LDB2: variants seen among roughly 807,000 people sequenced by gnomAD.
The protein encoded by LDB2 is LIM domain-binding protein 2.
LDB2 carries 12 observed loss-of-function variants against 44.3 expected under a neutral mutation model. That is an observed-to-expected ratio of 0.27 (90% CI 0.17 to 0.44). The LOEUF (loss-of-function observed/expected upper bound fraction) is 0.44. LDB2 is among the 20% of genes least tolerant of loss of function. LDB2 has a pLI of 1.00. For synonymous variants in LDB2, 164 were observed against 174.8 expected, an observed-to-expected ratio of 0.94 and a Z score of 0.49; for missense variants, 344 against 473.5, an observed-to-expected ratio of 0.73 and a Z score of 2.54.
chr4:16,854,170 T>C (rs79975819), intron 1 of LDB2, among the ~76,000 whole-genome samples: 4,302 of 152,114 alleles, frequency 0.028, 176 homozygotes, highest in African/African-American at 0.091. Flanking sequence ...ACAAAACAAA[T>C]TGATAAGTAT....
chr4:16,759,126 G>A, intron 2 of LDB2, 32 bp downstream of exon 2: 1 of 1,468,254 alleles, frequency 6.8e-7, no homozygotes, highest in Non-Finnish European at 9.5e-7. Context: ...CACAAAACGA[G>A]GTAATATTAG....
intron 1 of LDB2, among the ~76,000 whole-genome samples, chr4:16,839,458 A>G (rs1785469396): frequency 6.6e-6 from 1 of 152,178 alleles, no homozygotes; most frequent in African/African-American, 2.4e-5. Flanking sequence ...CCATGGCTCA[A>G]ACACCTTCCA....
At chr4:16,895,840 G>T (rs1356565502) in intron 1 of LDB2, among the ~76,000 whole-genome samples, 5 of 151,894 alleles carry the variant, frequency 3.3e-5, no homozygotes, top group Non-Finnish European at 7.4e-5. Flanking sequence ...TATTGGTAAA[G>T]GTATAGTGTA....
At chr4:16,690,706 T>C (rs897012268) in intron 2 of LDB2, among the ~76,000 whole-genome samples, 23 of 152,204 alleles carry the variant, frequency 1.5e-4, no homozygotes, top group African/African-American at 5.1e-4. Flanking sequence ...CAAACAAAAA[T>C]GTAAATCCTA....
chr4:16,502,976 G>C lies in LDB2; in HGVS notation c.892-103C>G, dbSNP rs898872996. 3.1e-6 allele frequency: 5 copies of C among 1,604,494 alleles called. No homozygotes were observed. The African/African-American group carries it at 4.0e-5, about 13-fold the overall frequency. ...CGGGGAATCTAGGACAGACACACTC[G>C]TGTACTGTACAACGGGGTCAAGTCT... On this transcript the variant is annotated intron_variant, in intron 7 of 7. Transcript: ENST00000304523.
At chr4:16,896,511 C>G (rs1355756012) in intron 1 of LDB2, among the ~76,000 whole-genome samples, 1 of 152,072 alleles carries the variant, frequency 6.6e-6, no homozygotes. Context: ...AGGCAGATAT[C>G]AGAGAAAGCT....
intron 5 of LDB2, among the ~76,000 whole-genome samples, chr4:16,579,306 A>G (rs144340634): frequency 1.4e-4 from 21 of 152,292 alleles, no homozygotes; most frequent in African/African-American, 5.1e-4. Flanking sequence ...ATATACACCT[A>G]CTATGTACCC....
intron 2 of LDB2, among the ~76,000 whole-genome samples, chr4:16,670,542 C>G (rs1377123370): frequency 6.6e-6 from 1 of 152,088 alleles, no homozygotes; most frequent in African/African-American, 2.4e-5. Flanking sequence ...TAGTTAAGTT[C>G]CAAAGTTTAG....
chr4:16,549,012 T>C (rs774619011), intron 5 of LDB2, among the ~76,000 whole-genome samples: 1 of 152,088 alleles, frequency 6.6e-6, no homozygotes, highest in Non-Finnish European at 1.5e-5. Context: ...GGTATTGGAG[T>C]ACAAAGAAAG....
At chr4:16,856,025 T>A (rs1049315108) in intron 1 of LDB2, among the ~76,000 whole-genome samples, 6 of 152,196 alleles carry the variant, frequency 3.9e-5, no homozygotes, top group African/African-American at 1.4e-4. Flanking sequence ...TATTTATATT[T>A]ATCTCAAGAG....
chr4:16,590,437 C>T (rs1404344888), intron 3 of LDB2, among the ~76,000 whole-genome samples: 2 of 152,154 alleles, frequency 1.3e-5, no homozygotes, highest in East Asian at 1.9e-4. Flanking sequence ...CAGCCTTTTA[C>T]GAAATATTAA....
At chr4:16,633,843 T>C (rs371162119) in intron 2 of LDB2, among the ~76,000 whole-genome samples, 1 of 152,172 alleles carries the variant, frequency 6.6e-6, no homozygotes. Context: ...GGAGGCATCA[T>C]GCTACCTGAC....
intron 4 of LDB2, among the ~76,000 whole-genome samples, chr4:16,587,777 G>A (rs1717532284): frequency 6.6e-6 from 1 of 152,034 alleles, no homozygotes; most frequent in South Asian, 2.1e-4. Flanking sequence ...AAAAAACATG[G>A]GGCAACTTAC....
intron 2 of LDB2, among the ~76,000 whole-genome samples, chr4:16,742,411 A>C (rs1010581571): frequency 6.6e-6 from 1 of 152,168 alleles, no homozygotes; most frequent in Non-Finnish European, 1.5e-5. Flanking sequence ...TATTTTACCT[A>C]CAACCAACTC....
intron 1 of LDB2, among the ~76,000 whole-genome samples, chr4:16,809,382 C>T (rs1385260185): frequency 6.6e-6 from 1 of 152,160 alleles, no homozygotes; most frequent in African/African-American, 2.4e-5. Context: ...AAACAGGTGT[C>T]AATGCTAAAG....
chr4:16,880,174 A>G (rs1220212071), intron 1 of LDB2, among the ~76,000 whole-genome samples: 1 of 152,198 alleles, frequency 6.6e-6, no homozygotes, highest in East Asian at 1.9e-4. Context: ...TCTTAATGAC[A>G]GAAGAGAATT....
chr4:16,609,356 G>GGT (rs1553923644), intron 2 of LDB2, among the ~76,000 whole-genome samples: 1 of 148,774 alleles, frequency 6.7e-6, no homozygotes, highest in African/African-American at 2.5e-5. Flanking sequence ...GGGGGCGGGG[G>GGT]GGGGAGGGGA....
intron 2 of LDB2, among the ~76,000 whole-genome samples, chr4:16,610,404 A>G (rs566603940): frequency 1.3e-5 from 2 of 152,326 alleles, no homozygotes; most frequent in African/African-American, 4.8e-5. Flanking sequence ...GATGGGTAAT[A>G]AAAAACTATG....
chr4:16,780,749 T>A (rs991175766), intron 1 of LDB2, among the ~76,000 whole-genome samples: 6 of 152,118 alleles, frequency 3.9e-5, no homozygotes, highest in African/African-American at 1.4e-4. Flanking sequence ...CAAAAAACAT[T>A]TCATGAACAC....
Sources: gnomAD v4.1 joint callset for allele counts (sites outside exome capture counted in the v4.1 genomes callset) on GRCh38, gnomAD v4.1.1 for gene constraint, MANE v1.5 for transcripts, NCBI Gene and HGNC (gene_info 2026-07-23, HGNC 2026-07-21) for gene names.